SNX2: variants seen among roughly 807,000 people sequenced by gnomAD.
SNX2 encodes the protein sorting nexin 2.
Under a neutral mutation model 69.9 loss-of-function variants are expected in SNX2, and 25 were observed. The observed-to-expected ratio is 0.36, with a 90% CI of 0.26 to 0.50. The LOEUF (loss-of-function observed/expected upper bound fraction) is 0.50. Ranked by LOEUF, SNX2 falls within the 20% of genes least tolerant of loss-of-function variation. The pLI is 0.97. For missense variants in SNX2, 551 were observed against 613.3 expected (o/e 0.90, Z 1.07); for synonymous variants, 229 against 200.4 (o/e 1.14, Z -1.20).
At chr5:122,782,027 A>G (rs1752989493) in intron 1 of SNX2, among the ~76,000 whole-genome samples, 1 of 152,234 alleles carries the variant, frequency 6.6e-6, no homozygotes, top group African/African-American at 2.4e-5. Flanking sequence ...AGCAAAAGCT[A>G]AAAATCTGGA....
chr5:122,775,262 A>C (rs1488190386), intron 1 of SNX2, 51 bp downstream of exon 1: 1 of 1,505,168 alleles, frequency 6.6e-7, no homozygotes, highest in Non-Finnish European at 8.9e-7. Flanking sequence ...CGCGCGTCTC[A>C]CCTTTCCCCT....
At position 122,818,918 on chromosome 5, in the gene SNX2, G is replaced by C; in HGVS notation, c.1107G>C (p.Glu369Asp). 1.9e-6 allele frequency: 3 copies of C among 1,613,932 alleles called. No homozygotes were observed. Among genetic ancestry groups the C allele is most frequent in the Non-Finnish European group, 2.5e-6 (3 of 1,179,888 alleles). ...CTAGAGCTTTGTCTCAGCTTGCAGAGGTTGAGGAGAAGATAGACCAGTTAC... is the reference window on the plus strand; with the variant it reads ...CTAGAGCTTTGTCTCAGCTTGCAGACGTTGAGGAGAAGATAGACCAGTTAC... Reference protein sequence around the residue: ...ALSRALSQLAEVEEKIDQLHQ... With the variant: ...ALSRALSQLADVEEKIDQLHQ... The change falls in exon 11 of 15, where the codon GAG (glutamate) becomes GAC (aspartate). Residue 369 changes from glutamate (E) to aspartate (D), a missense_variant. By Grantham distance (45) the Glu-to-Asp change is conservative. Transcript: ENST00000379516.
intron 7 of SNX2, among the ~76,000 whole-genome samples, chr5:122,813,799 A>C (rs1230746464): frequency 3.4e-5 from 4 of 116,846 alleles, no homozygotes; most frequent in African/African-American, 1.3e-4. Flanking sequence ...TCTGAGACGG[A>C]GTCTCGCTCT....
rs1581648895 is a variant in SNX2, at chr5:122,826,154, A to G, written c.1317A>G (p.Lys439=). The change falls in exon 12 of 15, where the codon AAA becomes AAG. Residue 439 remains lysine, a synonymous_variant. Coordinates refer to ENST00000379516, the MANE Select transcript of SNX2 (RefSeq NM_003100.4). ...EAEAKMMVAN[K]PDKIQQAKNE... ...AAGCAAAAATGATGGTTGCTAACAA[A>G]CCAGATAAAATACAGCAAGCTAAAA... 1 of 1,613,100 alleles carries G rather than the reference A, an allele frequency of 6.2e-7. No individual in the cohort carries two copies. Among genetic ancestry groups the G allele is most frequent in the Non-Finnish European group, 8.5e-7 (1 of 1,179,294 alleles).
chr5:122,806,142 G>GCACACACACACACACACA (rs139834252), intron 6 of SNX2, among the ~76,000 whole-genome samples: 113 of 130,550 alleles, frequency 8.7e-4, no homozygotes, highest in South Asian at 1.4e-3. Flanking sequence ...ACACGCGCGC[G>GCACACACACACACACACA]CACACACACA....
At chr5:122,817,176 G>A (rs1035912631) in intron 9 of SNX2, 104 bp from the exon 10 acceptor site, 4 of 1,235,526 alleles carry the variant, frequency 3.2e-6, no homozygotes, top group Non-Finnish European at 4.7e-6. Flanking sequence ...TGGTTATAAG[G>A]TTAATTTGTT....
In SNX2 at chr5:122,775,108, C is replaced by A; in HGVS notation, c.5C>A (p.Ala2Glu). M[A>E]AEREPPPLGD... ...CAGTCGTTCGGGTGAGCGAAGATGG[C>A]GGCCGAGAGGGAACCTCCTCCGCTG... The change falls in exon 1 of 15, where the codon GCG becomes GAG. Residue 2 changes from alanine (A) to glutamate (E), a missense_variant. This residue lies in a region of SNX2 where 191 missense variants were observed against 162.9 expected (regional missense o/e 1.17). Coordinates refer to ENST00000379516, the MANE Select transcript of SNX2 (RefSeq NM_003100.4). The A allele has an allele frequency of 6.3e-7, 1 of 1,585,688 alleles. No homozygotes were observed. The highest frequency in any genetic ancestry group is 8.6e-7 in the Non-Finnish European group (1 of 1,167,596).
intron 5 of SNX2, among the ~76,000 whole-genome samples, chr5:122,803,196 A>G (rs1303706240): frequency 1.3e-5 from 2 of 152,196 alleles, no homozygotes; most frequent in Admixed American, 1.3e-4. Context: ...TATCTGGGCC[A>G]GATGTAAAGA....
At position 122,829,086 on chromosome 5, in the gene SNX2, C is replaced by T. The variant is rs1198597036; in HGVS notation, c.1510-512C>T. 4.6e-5 allele frequency among the ~76,000 whole-genome samples: 7 copies of T among 152,132 alleles called. No homozygotes were observed. In the East Asian group the frequency reaches 7.7e-4, roughly 17 times the overall value. ...GAGCCGAGGTCATGCCATTGCACTC[C>T]GGTCTGGGCAATAAGAGTGAAACTC... On this transcript the variant is annotated intron_variant, in intron 14 of 14. Coordinates refer to ENST00000379516, the MANE Select transcript of SNX2 (RefSeq NM_003100.4).
intron 7 of SNX2, among the ~76,000 whole-genome samples, chr5:122,811,847 AAAT>A (rs1753784716): frequency 1.3e-5 from 2 of 150,272 alleles, no homozygotes; most frequent in South Asian, 4.2e-4. Flanking sequence ...ATAAATAAAT[AAAT>A]AAATAAATAA....
intron 8 of SNX2, among the ~76,000 whole-genome samples, chr5:122,816,650 G>A (rs995252167): frequency 6.6e-6 from 1 of 152,026 alleles, no homozygotes. Flanking sequence ...TGACAAACAG[G>A]GTGTTTGTTC....
rs1754338124 is a variant in SNX2, at chr5:122,833,409, A to T, written c.*3761A>T. ...ATAATTTTAAAATTTTCTACAGCCA[A>T]ATGTTAAAAAGTAAAAAACAATTTT... On this transcript the variant is annotated 3_prime_UTR_variant, in exon 15 of 15. Coordinates refer to ENST00000379516, the MANE Select transcript of SNX2 (RefSeq NM_003100.4). 6.6e-6 allele frequency: 1 copy of T among 152,218 alleles called. No homozygotes were observed. Among genetic ancestry groups the T allele is most frequent in the Non-Finnish European group, 1.5e-5 (1 of 68,028 alleles). 9.4% of individuals were successfully genotyped at this position (152,218 alleles called of 1,614,324 possible). A position where few individuals can be genotyped will look rare whatever the true frequency, so the allele number is the denominator to read the frequency against.
chr5:122,816,089 A>G, intron 8 of SNX2, 118 bp downstream of exon 8: 1 of 483,518 alleles, frequency 2.1e-6, no homozygotes, highest in Non-Finnish European at 3.6e-6. Flanking sequence ...AATTATTATT[A>G]TTATGTTTTG....
chr5:122,801,640 A>G (rs1753513541), intron 3 of SNX2, among the ~76,000 whole-genome samples: 2 of 114,120 alleles, frequency 1.8e-5, no homozygotes, highest in African/African-American at 8.3e-5. Context: ...TACTTCTCCA[A>G]ATGGTCTTTT....
In SNX2 at chr5:122,814,774, G is replaced by T. The variant is rs1195451589; in HGVS notation, c.723-1122G>T. On this transcript the variant is annotated intron_variant, in intron 7 of 14. Coordinates refer to ENST00000379516, the MANE Select transcript of SNX2 (RefSeq NM_003100.4). ...AGGTTTTTTTTTGTTTTTTGAGACG[G>T]AGTTTCACTCTGTCACCCAGACTGG... 9.3e-4 allele frequency among the ~76,000 whole-genome samples: 40 copies of T among 42,968 alleles called. No homozygotes were observed. The Admixed American group carries it at 9.9e-3, about 11-fold the overall frequency. 28.2% of individuals were successfully genotyped at this position (42,968 alleles called of 152,430 possible). A position where few individuals can be genotyped will look rare whatever the true frequency, so the allele number is the denominator to read the frequency against.
intron 1 of SNX2, among the ~76,000 whole-genome samples, chr5:122,784,141 G>C (rs1017150710): frequency 4.6e-5 from 7 of 151,368 alleles, no homozygotes; most frequent in African/African-American, 1.7e-4. Context: ...TGTAGAGTCC[G>C]ATGATTTTCT....
chr5:122,824,557 C>T (rs1754111256), intron 11 of SNX2, among the ~76,000 whole-genome samples: 2 of 152,248 alleles, frequency 1.3e-5, no homozygotes, highest in South Asian at 4.2e-4. Context: ...TTTAAATACC[C>T]ATAGATAAGG....
At position 122,832,690 on chromosome 5, in the gene SNX2, G is replaced by A. The variant is rs1269733422; in HGVS notation, c.*3042G>A. 6.6e-6 allele frequency: 1 copy of A among 152,144 alleles called. No homozygotes were observed. Among genetic ancestry groups the A allele is most frequent in the Non-Finnish European group, 1.5e-5 (1 of 68,012 alleles). 9.4% of individuals were successfully genotyped at this position (152,144 alleles called of 1,614,324 possible). ...TTTAACATAATCAGCTTTCTTTAAA[G>A]GAGGAAGTCAGATGAGTAGAGAAGG... is the stretch of plus-strand genomic sequence containing the variant. On this transcript the variant is annotated 3_prime_UTR_variant, in exon 15 of 15. Coordinates refer to ENST00000379516, the MANE Select transcript of SNX2 (RefSeq NM_003100.4).
At chr5:122,810,414 A>G (rs1166729975) in intron 7 of SNX2, among the ~76,000 whole-genome samples, 1 of 151,460 alleles carries the variant, frequency 6.6e-6, no homozygotes, top group Non-Finnish European at 1.5e-5. Context: ...AAAAAAAAAA[A>G]AAAAAAAGAA....
Sources: gnomAD v4.1 joint callset for allele counts (sites outside exome capture counted in the v4.1 genomes callset) on GRCh38, gnomAD v4.1.1 for gene constraint, gnomAD v4.1.1 regional missense constraint, MANE v1.5 for transcripts, NCBI Gene and HGNC (gene_info 2026-07-23, HGNC 2026-07-21) for gene names.